Variants in UBOX5 observed in about 807,000 individuals in gnomAD.
UBOX5 encodes RING finger protein 37.
Under a neutral mutation model 39.0 loss-of-function variants are expected in UBOX5, and 28 were observed. The ratio of observed to expected loss-of-function variants is 0.72; its 90% CI spans 0.53 to 0.98. The LOEUF (loss-of-function observed/expected upper bound fraction) is 0.98. Ranked by LOEUF, UBOX5 falls within the 50% of genes least tolerant of loss-of-function variation. The pLI is 0.00. For synonymous variants in UBOX5, 283 were observed against 275.5 expected (o/e 1.03, Z -0.27); for missense variants, 585 against 674.4 (o/e 0.87, Z 1.47).
Position 3,149,846 on chromosome 20 carries a change from C to T in UBOX5, c.-42+9920G>A, listed in dbSNP as rs1323526709. Among the ~76,000 whole-genome samples the T allele has an allele frequency of 2.0e-5, 3 of 151,884 alleles. No homozygotes were observed. Among genetic ancestry groups the T allele is most frequent in the African/African-American group, 7.3e-5 (3 of 41,308 alleles). ...CAGCCTGGCCAACAAGGCGAAATCCCGTCTCTATTAAAAATACAAAAAATT... is the reference window on the plus strand; with the variant it reads ...CAGCCTGGCCAACAAGGCGAAATCCTGTCTCTATTAAAAATACAAAAAATT... On this transcript the variant is annotated intron_variant, in intron 1 of 4. Coordinates refer to ENST00000217173, the MANE Select transcript of UBOX5 (RefSeq NM_014948.4). This position sits in a 1 kb window ranked among gnomAD's most constrained non-coding sequence, Gnocchi z 4.1.
chr20:3,122,650 A>C, intron 2 of UBOX5, 66 bp from the exon 3 acceptor site: 1 of 1,499,238 alleles, frequency 6.7e-7, no homozygotes, highest in East Asian at 2.3e-5. Flanking sequence ...TTGTAAGAAA[A>C]CTCTTAAGCC....
intron 3 of UBOX5, among the ~76,000 whole-genome samples, chr20:3,115,753 CTTTTTTTTTTTT>C (rs11481933): frequency 9.1e-5 from 8 of 87,938 alleles, no homozygotes; most frequent in African/African-American, 3.1e-4. Context: ...CTGCACGCTC[CTTTTTTTTTTTT>C]TTTTTTTTTT....
chr20:3,149,681 C>T lies in UBOX5; in HGVS notation c.-42+10085G>A, dbSNP rs538266217. 1.3e-5 allele frequency among the ~76,000 whole-genome samples: 2 copies of T among 152,320 alleles called. No homozygotes were observed. The highest frequency in any genetic ancestry group is 3.9e-4 in the East Asian group (2 of 5,188). Reference sequence around the variant, plus strand: ...ACCTGAAGAATGTTTATAAAAACTGCTATGCTAACAGCACTAAGTAAAAAG... The same window carrying T: ...ACCTGAAGAATGTTTATAAAAACTGTTATGCTAACAGCACTAAGTAAAAAG... On this transcript the variant is annotated intron_variant, in intron 1 of 4. Transcript: ENST00000217173. This position sits in a 1 kb window ranked among gnomAD's most constrained non-coding sequence, Gnocchi z 4.1.
intron 1 of UBOX5, among the ~76,000 whole-genome samples, chr20:3,126,750 T>C (rs953508128): frequency 7.9e-5 from 12 of 151,598 alleles, no homozygotes; most frequent in African/African-American, 2.7e-4. Flanking sequence ...TAAAATGACA[T>C]CTAGGCCTGG....
intron 1 of UBOX5, among the ~76,000 whole-genome samples, chr20:3,134,633 C>T (rs920160442): frequency 9.4e-5 from 14 of 148,564 alleles, no homozygotes; most frequent in African/African-American, 2.5e-4. Context: ...GCCAGACAGG[C>T]GGATCATCTG....
intron 1 of UBOX5, among the ~76,000 whole-genome samples, chr20:3,125,525 G>A (rs370912262): frequency 4.2e-4 from 56 of 132,474 alleles, no homozygotes; most frequent in Non-Finnish European, 6.6e-4. Flanking sequence ...GCCTCTGCCC[G>A]GCCACCCATC....
In UBOX5 at chr20:3,107,598, A is replaced by G. The variant is rs1249782597; in HGVS notation, c.*2508T>C. On this transcript the variant is annotated 3_prime_UTR_variant, in exon 5 of 5. Transcript: ENST00000217173. The surrounding 1 kb of genome is among the most constrained non-coding windows in gnomAD (Gnocchi z 5.0). ...TGACAGCAAAAGAAATTTTATTCCC[A>G]TTTTCTAGGGGACAGAAACAGAGCC... The G allele has an allele frequency of 2.0e-5, 3 of 152,110 alleles. No individual in the cohort carries two copies. The highest frequency in any genetic ancestry group is 4.8e-5 in the African/African-American group (2 of 41,412). 9.4% of individuals were successfully genotyped at this position (152,110 alleles called of 1,614,324 possible).
rs1442818290 is a variant in UBOX5 at position 3,155,350 on chromosome 20, C to T, written c.-42+4416G>A. On this transcript the variant is annotated intron_variant, in intron 1 of 4. Transcript: ENST00000217173. ...TTTGAGACCAGCCTGGCCAACGTGG[C>T]GAAACCACGTCTCTCCTAAAAATAC... 3.3e-5 allele frequency among the ~76,000 whole-genome samples: 5 copies of T among 152,162 alleles called. No individual in the cohort carries two copies. In the South Asian group the frequency reaches 6.2e-4, roughly 19 times the overall value.
intron 3 of UBOX5, 76 bp downstream of exon 3, chr20:3,121,308 G>A: frequency 6.5e-7 from 1 of 1,531,558 alleles, no homozygotes; most frequent in East Asian, 2.3e-5. Flanking sequence ...CAAGCACAAA[G>A]CAAAGGGCAG....
chr20:3,132,931 G>A (rs577753694), intron 1 of UBOX5, among the ~76,000 whole-genome samples: 1 of 151,674 alleles, frequency 6.6e-6, no homozygotes, highest in East Asian at 1.9e-4. Context: ...AGGCTAGCCT[G>A]GGCAACATAG....
chr20:3,148,860 T>G, intron 1 of UBOX5: 5 of 1,614,224 alleles, frequency 3.1e-6, no homozygotes, highest in Non-Finnish European at 4.2e-6. Flanking sequence ...GCACTGCTGG[T>G]TGTCAGGATT....
At chr20:3,126,926 C>T (rs6051589) in intron 1 of UBOX5, among the ~76,000 whole-genome samples, 255 of 151,192 alleles carry the variant, frequency 1.7e-3, no homozygotes, top group African/African-American at 5.7e-3. Flanking sequence ...ATCCCAGCTA[C>T]TCGGGAGGCC....
intron 1 of UBOX5, among the ~76,000 whole-genome samples, chr20:3,143,774 A>G (rs1490417522): frequency 6.6e-6 from 1 of 152,130 alleles, no homozygotes; most frequent in African/African-American, 2.4e-5. Flanking sequence ...GCTGGGTGAC[A>G]GAGTGAGACT....
Position 3,146,764 on chromosome 20 carries a change from C to T in UBOX5, c.-42+13002G>A, listed in dbSNP as rs771199327. Reference sequence around the variant, plus strand: ...CCTATAGCTTTGCCATAGAAATGCCCCTAAATGCCCTTCAGAGAGCAGAGG... The same window carrying T: ...CCTATAGCTTTGCCATAGAAATGCCTCTAAATGCCCTTCAGAGAGCAGAGG... On this transcript the variant is annotated intron_variant, in intron 1 of 4. Coordinates refer to ENST00000217173, the MANE Select transcript of UBOX5 (RefSeq NM_014948.4). 1.1e-5 allele frequency: 17 copies of T among 1,608,006 alleles called. No homozygotes were observed. In the South Asian group the frequency reaches 1.9e-4, roughly 18 times the overall value.
intron 1 of UBOX5, among the ~76,000 whole-genome samples, chr20:3,137,893 C>A (rs970445500): frequency 1.3e-5 from 2 of 152,210 alleles, no homozygotes; most frequent in African/African-American, 4.8e-5. Flanking sequence ...TCACTGCCCA[C>A]ACTGTAAGAA....
chr20:3,115,647 A>G (rs1270487084), intron 3 of UBOX5, among the ~76,000 whole-genome samples, 181 bp from the exon 4 acceptor site: 2 of 151,118 alleles, frequency 1.3e-5, no homozygotes, highest in South Asian at 2.1e-4. Flanking sequence ...CCCTAGGAAC[A>G]CCGGCAGTTC....
At chr20:3,140,524 A>C (rs902165387) in intron 1 of UBOX5, among the ~76,000 whole-genome samples, 1 of 152,024 alleles carries the variant, frequency 6.6e-6, no homozygotes, top group Non-Finnish European at 1.5e-5. Flanking sequence ...ACCTGACCCT[A>C]ACCCTAACCC....
At chr20:3,145,396 G>A (rs1340894735) in intron 1 of UBOX5, among the ~76,000 whole-genome samples, 1 of 151,052 alleles carries the variant, frequency 6.6e-6, no homozygotes, top group African/African-American at 2.4e-5. Flanking sequence ...ATCACCCAAA[G>A]TGCTGGGACT....
At chr20:3,130,902 T>G (rs146558908) in intron 1 of UBOX5, among the ~76,000 whole-genome samples, 1 of 152,200 alleles carries the variant, frequency 6.6e-6, no homozygotes, top group East Asian at 1.9e-4. Context: ...CACAAAACAG[T>G]AAGACAGTTG....
Sources: gnomAD v4.1 joint callset for allele counts (sites outside exome capture counted in the v4.1 genomes callset) on GRCh38, gnomAD v4.1.1 for gene constraint, Gnocchi (gnomAD v3.1) non-coding constraint, MANE v1.5 for transcripts, NCBI Gene and HGNC (gene_info 2026-07-23, HGNC 2026-07-21) for gene names.